GRIP1: variants seen among roughly 807,000 people sequenced by gnomAD.
GRIP1 encodes glutamate receptor-interacting protein 1.
A neutral mutation model predicts 129.9 loss-of-function variants in GRIP1; 45 were observed. That is an observed-to-expected ratio of 0.35 (90% CI 0.27 to 0.44). The LOEUF (loss-of-function observed/expected upper bound fraction) is 0.44, where lower values mean the gene tolerates loss of function less well. GRIP1 is among the 20% of genes least tolerant of loss of function. The pLI is 1.00. For missense variants in GRIP1, 1,196 were observed against 1,396.8 expected, an observed-to-expected ratio of 0.86 and a Z score of 2.29; for synonymous variants, 530 against 520.8, an observed-to-expected ratio of 1.02 and a Z score of -0.24.
chr12:66,604,720 T>A (rs974157638), intron 1 of GRIP1, among the ~76,000 whole-genome samples: 1 of 152,146 alleles, frequency 6.6e-6, no homozygotes, highest in African/African-American at 2.4e-5. Flanking sequence ...CAGCTGACAT[T>A]TTCAGTCTCT....
chr12:67,015,502 A>G (rs1395437680), intron 1 of GRIP1, among the ~76,000 whole-genome samples: 1 of 152,142 alleles, frequency 6.6e-6, no homozygotes, highest in Non-Finnish European at 1.5e-5. Context: ...GGCCTGGTGA[A>G]CTCTTATAAT....
chr12:67,039,910 G>A (rs545600379), intron 1 of GRIP1, among the ~76,000 whole-genome samples: 5 of 152,166 alleles, frequency 3.3e-5, no homozygotes, highest in South Asian at 4.2e-4. Flanking sequence ...ATGGACCTCC[G>A]TTGTGGCATA....
intron 14 of GRIP1, among the ~76,000 whole-genome samples, chr12:66,429,350 G>T (rs2058078133): frequency 2.0e-5 from 3 of 152,124 alleles, no homozygotes; most frequent in African/African-American, 7.2e-5. Flanking sequence ...TGAGAAGAGG[G>T]TTCCCAGATT....
intron 1 of GRIP1, among the ~76,000 whole-genome samples, chr12:66,720,569 G>A (rs1208554578): frequency 1.3e-5 from 2 of 152,148 alleles, no homozygotes; most frequent in Non-Finnish European, 2.9e-5. Flanking sequence ...CCTTGCCACT[G>A]CCCATAAAGT....
At chr12:66,474,333 A>G (rs1313438011) in intron 7 of GRIP1, among the ~76,000 whole-genome samples, 1 of 152,168 alleles carries the variant, frequency 6.6e-6, no homozygotes, top group Non-Finnish European at 1.5e-5. Context: ...CTATGTGAAA[A>G]GACCAAACCT....
intron 1 of GRIP1, among the ~76,000 whole-genome samples, chr12:66,759,718 C>G (rs2037410284): frequency 6.6e-6 from 1 of 152,126 alleles, no homozygotes; most frequent in African/African-American, 2.4e-5. Context: ...TTCCACAAAT[C>G]TCTAGAGCAG....
chr12:66,673,371 G>A (rs140305726), intron 1 of GRIP1, among the ~76,000 whole-genome samples: 1 of 152,028 alleles, frequency 6.6e-6, no homozygotes, highest in Non-Finnish European at 1.5e-5. Context: ...TAAGTTAATC[G>A]ATTAGAATGC....
chr12:66,392,489 C>T lies in GRIP1; in HGVS notation c.2283G>A (p.Ser761=), dbSNP rs200863167. ...TAGAAATAGGGAACTTCTTGGGGCTCGATGCTGACTGGGCTTTATAGACAG... is the reference window on the plus strand; with the variant it reads ...TAGAAATAGGGAACTTCTTGGGGCTTGATGCTGACTGGGCTTTATAGACAG... ...IKKQTDAQSA[S]SPKKFPISSH... Residue 761 remains serine, a synonymous_variant, in exon 19 of 25, where the codon TCG becomes TCA. Transcript: ENST00000359742. 1.8e-3 allele frequency: 2,837 copies of T among 1,613,860 alleles called. 16 individuals carry two copies. In the Middle Eastern group the frequency reaches 0.018, roughly 10 times the overall value.
chr12:66,780,258 A>C (rs764681632), intron 1 of GRIP1, among the ~76,000 whole-genome samples: 7 of 152,188 alleles, frequency 4.6e-5, no homozygotes, highest in Non-Finnish European at 8.8e-5. Flanking sequence ...AGCAGAGAGA[A>C]GCAAGCAGGC....
At chr12:66,702,082 G>A (rs569840999) in intron 1 of GRIP1, among the ~76,000 whole-genome samples, 22 of 152,222 alleles carry the variant, frequency 1.4e-4, no homozygotes, top group African/African-American at 5.1e-4. Context: ...ATGAGAAAAA[G>A]GGAGTAAAAA....
intron 2 of GRIP1, among the ~76,000 whole-genome samples, chr12:66,587,067 G>C (rs890750357): frequency 3.9e-5 from 6 of 152,140 alleles, no homozygotes; most frequent in African/African-American, 1.4e-4. Context: ...CCTCAGCCTT[G>C]CTTCCCAGTT....
chr12:66,391,078 A>G (rs986925498), intron 19 of GRIP1, among the ~76,000 whole-genome samples: 4 of 152,118 alleles, frequency 2.6e-5, no homozygotes, highest in African/African-American at 9.7e-5. Context: ...AGGACTTAAC[A>G]GAGAGTGACA....
intron 2 of GRIP1, among the ~76,000 whole-genome samples, chr12:66,567,263 A>G (rs1054855740): frequency 3.9e-5 from 6 of 152,012 alleles, no homozygotes; most frequent in African/African-American, 1.4e-4. Context: ...TGGGCATTTA[A>G]CGCTATAAAT....
intron 1 of GRIP1, among the ~76,000 whole-genome samples, chr12:66,792,340 G>A (rs2038566417): frequency 1.3e-5 from 2 of 152,018 alleles, no homozygotes; most frequent in Non-Finnish European, 2.9e-5. Context: ...TGATCCTTCT[G>A]CCTCAGTGTC....
At chr12:66,956,245 A>T (rs552134680) in intron 1 of GRIP1, among the ~76,000 whole-genome samples, 3 of 152,256 alleles carry the variant, frequency 2.0e-5, no homozygotes, top group Admixed American at 6.5e-5. Context: ...TATGACCTTG[A>T]AACTTTTGAA....
At chr12:66,716,737 A>G (rs2035900816) in intron 1 of GRIP1, among the ~76,000 whole-genome samples, 1 of 152,030 alleles carries the variant, frequency 6.6e-6, no homozygotes, top group South Asian at 2.1e-4. Context: ...CAGGTGTGTC[A>G]CCACAGGTGG....
chr12:66,787,042 C>T (rs978850312), intron 1 of GRIP1, among the ~76,000 whole-genome samples: 1 of 152,118 alleles, frequency 6.6e-6, no homozygotes, highest in African/African-American at 2.4e-5. Context: ...AAAGCTGTGA[C>T]TACAGCTTAT....
chr12:67,015,503 C>A (rs1242609947), intron 1 of GRIP1, among the ~76,000 whole-genome samples: 3 of 152,092 alleles, frequency 2.0e-5, no homozygotes, highest in Non-Finnish European at 4.4e-5. Flanking sequence ...GCCTGGTGAA[C>A]TCTTATAATT....
Position 66,424,487 on chromosome 12 carries a change from T to C in GRIP1, c.1769-3698A>G, listed in dbSNP as rs577817248. Among the ~76,000 whole-genome samples, 15 of 152,284 alleles carry C rather than the reference T, an allele frequency of 9.9e-5. No individual in the cohort carries two copies. The South Asian group carries it at 2.5e-3, about 25-fold the overall frequency. ...ATTTTCTGGTGTTAGTCATTTTCTA[T>C]TTACTTTCTATTATGAAAGATGAAG... On this transcript the variant is annotated intron_variant, in intron 14 of 24. Transcript: ENST00000359742.
Sources: allele counts gnomAD v4.1 joint callset (sites outside exome capture counted in the v4.1 genomes callset), GRCh38; gene constraint gnomAD v4.1.1; transcripts MANE v1.5; gene names NCBI Gene and HGNC (gene_info 2026-07-23, HGNC 2026-07-21).